The following ACVR1 variants were observed in gnomAD, a reference collection of about 807,000 sequenced individuals.
The protein encoded by ACVR1 is activin A receptor type 1.
Under a neutral mutation model 57.1 loss-of-function variants are expected in ACVR1, and 38 were observed. That is an observed-to-expected ratio of 0.67 (90% confidence interval 0.51 to 0.87). ACVR1 has a LOEUF of 0.87. Among genes scored for constraint, ACVR1 ranks in the 40% least tolerant of loss-of-function variants. ACVR1 has a pLI of 0.00. For missense variants in ACVR1, 463 were observed against 638.2 expected, an observed-to-expected ratio of 0.73 and a Z score of 2.96; for synonymous variants, 212 against 228.1, an observed-to-expected ratio of 0.93 and a Z score of 0.63.
In ACVR1 at chr2:157,780,321, A is replaced by G. The variant is rs2105280861; in HGVS notation, c.331+16T>C. The G allele has an allele frequency of 1.9e-6, 3 of 1,614,182 alleles. No homozygotes were observed. Among genetic ancestry groups the G allele is most frequent in the Non-Finnish European group, 2.5e-6 (3 of 1,180,016 alleles). Reference sequence around the variant, plus strand: ...ACAAAACCCCTTGATCTAGAAATAGAAAAGTCCATGGGAACCTTTAGTGGG... The same window carrying G: ...ACAAAACCCCTTGATCTAGAAATAGGAAAGTCCATGGGAACCTTTAGTGGG... On this transcript the variant is annotated intron_variant, in intron 4 of 10. Coordinates refer to ENST00000434821, the MANE Select transcript of ACVR1 (RefSeq NM_001111067.4).
At chr2:157,865,674 C>T (rs1410117307) in intron 1 of ACVR1, among the ~76,000 whole-genome samples, 1 of 151,856 alleles carries the variant, frequency 6.6e-6, no homozygotes, top group East Asian at 1.9e-4. Context: ...TGCTTGTAAT[C>T]CCAGCTACTC....
chr2:157,855,612 C>G (rs1036580757), intron 1 of ACVR1, among the ~76,000 whole-genome samples: 4 of 152,060 alleles, frequency 2.6e-5, no homozygotes, highest in Non-Finnish European at 5.9e-5. Context: ...TTGTGCCCCC[C>G]TCATCAGAAG....
At chr2:157,762,262 C>T (rs1685688226) in intron 8 of ACVR1, among the ~76,000 whole-genome samples, 1 of 152,110 alleles carries the variant, frequency 6.6e-6, no homozygotes, top group Non-Finnish European at 1.5e-5. Context: ...AGAGAGATAC[C>T]ATATTCACAT....
At position 157,814,691 on chromosome 2, in the gene ACVR1, C is replaced by T. The variant is rs1414249837; in HGVS notation, c.-8+3694G>A. On this transcript the variant is annotated intron_variant, in intron 2 of 10. Transcript: ENST00000434821. ...GTATATTCAAAGTTATTCCCTATAG[C>T]TTTGTTCACGATAATAAAAACTGGA... Among the ~76,000 whole-genome samples the T allele has an allele frequency of 2.6e-5, 4 of 152,174 alleles. No individual in the cohort carries two copies. In the East Asian group the frequency reaches 7.7e-4, roughly 29 times the overall value.
chr2:157,761,946 G>A (rs115085273), intron 8 of ACVR1, among the ~76,000 whole-genome samples: 2,814 of 152,300 alleles, frequency 0.018, 41 homozygotes, highest in Non-Finnish European at 0.027. Context: ...GATCTCTCAA[G>A]CCATCTACAG....
chr2:157,786,811 G>A (rs2105289536), intron 3 of ACVR1, among the ~76,000 whole-genome samples: 1 of 152,176 alleles, frequency 6.6e-6, no homozygotes, highest in East Asian at 1.9e-4. Context: ...AGCTTGGAGG[G>A]GTCAGTGCAG....
chr2:157,797,249 G>C (rs1687157771), intron 3 of ACVR1, among the ~76,000 whole-genome samples: 1 of 152,106 alleles, frequency 6.6e-6, no homozygotes, highest in Non-Finnish European at 1.5e-5. Flanking sequence ...CAAATATTAT[G>C]AACCTAATAT....
At chr2:157,750,300 A>G (rs1685133386) in intron 9 of ACVR1, among the ~76,000 whole-genome samples, 1 of 152,236 alleles carries the variant, frequency 6.6e-6, no homozygotes, top group Admixed American at 6.5e-5. Flanking sequence ...GCCTGGAGAC[A>G]CAAGGATGAG....
intron 1 of ACVR1, among the ~76,000 whole-genome samples, chr2:157,828,806 G>A (rs761956100): frequency 6.6e-6 from 1 of 151,734 alleles, no homozygotes; most frequent in Non-Finnish European, 1.5e-5. Context: ...TCACTCTGTC[G>A]CCCAGGCTAG....
intron 3 of ACVR1, among the ~76,000 whole-genome samples, chr2:157,796,157 G>A (rs551039730): frequency 1.5e-4 from 23 of 148,524 alleles, no homozygotes; most frequent in Non-Finnish European, 3.3e-4. Context: ...AGGAGGTTGA[G>A]ACCACAGTAA....
chr2:157,837,784 G>A (rs1222252421), intron 1 of ACVR1, among the ~76,000 whole-genome samples: 6 of 152,062 alleles, frequency 3.9e-5, no homozygotes, highest in African/African-American at 1.4e-4. Context: ...AAGGAAAATG[G>A]GCAAAAGTAG....
At chr2:157,790,330 A>G (rs1306897847) in intron 3 of ACVR1, 1 of 152,174 alleles carries the variant, frequency 6.6e-6, no homozygotes, top group Admixed American at 6.5e-5. Flanking sequence ...CTGCCAGGGC[A>G]ACCAGCTGCC....
chr2:157,755,784 C>T (rs972867873), intron 9 of ACVR1, among the ~76,000 whole-genome samples: 4 of 151,796 alleles, frequency 2.6e-5, no homozygotes, highest in South Asian at 2.1e-4. Flanking sequence ...AAAATACCAC[C>T]GTCATTCTTC....
chr2:157,829,100 T>A (rs996330887), intron 1 of ACVR1, among the ~76,000 whole-genome samples: 1 of 152,144 alleles, frequency 6.6e-6, no homozygotes, highest in South Asian at 2.1e-4. Context: ...TGCTCACCAA[T>A]CATTTGCTCT....
rs3738926 is a variant in ACVR1, at chr2:157,737,803, C to T, written c.1396-138G>A. On this transcript the variant is annotated intron_variant, in intron 10 of 10. Transcript: ENST00000434821. ...AGAGTTATGTTACTGTCATCTTCTT[C>T]AAGCAAATATTCAACCTTTAACCAC... 4,893 of 1,174,162 alleles carry T rather than the reference C, an allele frequency of 4.2e-3. 114 individuals are homozygous for T. In the African/African-American group the frequency reaches 0.055, roughly 13 times the overall value. The allele number at this position is 1,174,162 out of a possible 1,614,324, so 72.7% of individuals were successfully genotyped here. A position where few individuals can be genotyped will look rare whatever the true frequency, so the allele number is the denominator to read the frequency against.
intron 2 of ACVR1, among the ~76,000 whole-genome samples, chr2:157,810,110 CAAAG>C (rs1687700692): frequency 6.6e-6 from 1 of 152,122 alleles, no homozygotes; most frequent in Non-Finnish European, 1.5e-5. Context: ...AAAAATAAAA[CAAAG>C]ACCCCAAGGC....
At position 157,852,007 on chromosome 2, in the gene ACVR1, AC is replaced by A. The variant is rs1481927877; in HGVS notation, c.-183+23788del. On this transcript the variant is annotated intron_variant, in intron 1 of 10. Coordinates refer to ENST00000434821, the MANE Select transcript of ACVR1 (RefSeq NM_001111067.4). ...GTAAGATTATTATGTTCTGAAGAAG[AC>A]TACAGGCTGAAGAGGCAAGAGCATT... Among the ~76,000 whole-genome samples the A allele has an allele frequency of 2.0e-5, 3 of 150,668 alleles. No homozygotes were observed. In the East Asian group the frequency reaches 5.9e-4, roughly 30 times the overall value.
rs76151402 is a variant in ACVR1, at chr2:157,791,656, G to A, written c.67+7771C>T. On this transcript the variant is annotated intron_variant, in intron 3 of 10. Transcript: ENST00000434821. Reference sequence around the variant, plus strand: ...CACAGAGAGGCGAAGGAGAATATACGCAAAGACATAGTGAAACAGAGGATG... The same window carrying A: ...CACAGAGAGGCGAAGGAGAATATACACAAAGACATAGTGAAACAGAGGATG... 2.8e-4 allele frequency among the ~76,000 whole-genome samples: 42 copies of A among 152,274 alleles called. No homozygotes were observed. The East Asian group carries it at 7.7e-3, about 28-fold the overall frequency.
At chr2:157,761,711 A>G (rs1685663978) in intron 8 of ACVR1, among the ~76,000 whole-genome samples, 1 of 152,206 alleles carries the variant, frequency 6.6e-6, no homozygotes, top group South Asian at 2.1e-4. Context: ...ATGCTTTCTT[A>G]AACCATGACT....
Sources: gnomAD v4.1 joint callset for allele counts (sites outside exome capture counted in the v4.1 genomes callset) on GRCh38, gnomAD v4.1.1 for gene constraint, MANE v1.5 for transcripts, NCBI Gene and HGNC (gene_info 2026-07-23, HGNC 2026-07-21) for gene names.